The following RNF212B variants were observed in gnomAD, a reference collection of about 807,000 sequenced individuals.
The protein encoded by RNF212B is E3 ubiquitin-protein ligase RNF212B.
Under a neutral mutation model 55.5 loss-of-function variants are expected in RNF212B, and 52 were observed. The observed-to-expected ratio is 0.94, with a 90% CI of 0.75 to 1.18. The LOEUF (loss-of-function observed/expected upper bound fraction) is 1.18, where lower values mean the gene tolerates loss of function less well. Among genes scored for constraint, RNF212B ranks in the 50% most tolerant of loss-of-function variants. The pLI is 0.00. For synonymous variants in RNF212B, 99 were observed against 121.4 expected, an observed-to-expected ratio of 0.82 and a Z score of 1.21; for missense variants, 289 against 350.4, an observed-to-expected ratio of 0.82 and a Z score of 1.40.
chr14:23,197,413 G>T (rs1358899815), intron 2 of RNF212B, among the ~76,000 whole-genome samples: 1 of 152,160 alleles, frequency 6.6e-6, no homozygotes. Context: ...TGTAGTCCCA[G>T]CTACTTGGGA....
intron 2 of RNF212B, among the ~76,000 whole-genome samples, chr14:23,224,215 T>G (rs1346239628): frequency 6.6e-6 from 1 of 151,136 alleles, no homozygotes; most frequent in Non-Finnish European, 1.5e-5. Context: ...CCGATGACAT[T>G]CTCCACAAAT....
chr14:23,251,246 C>G (rs72684368), intron 4 of RNF212B, among the ~76,000 whole-genome samples: 25,125 of 124,268 alleles, frequency 0.2, 2,431 homozygotes, highest in South Asian at 0.26. Context: ...ACTAGGTATG[C>G]AACAATTCAA....
upstream of RNF212B, among the ~76,000 whole-genome samples, chr14:23,237,830 T>C (rs1883225702): frequency 6.6e-6 from 1 of 152,156 alleles, no homozygotes; most frequent in South Asian, 2.1e-4. Context: ...TGACAGCCTC[T>C]GCGGGCCCCG....
intron 2 of RNF212B, among the ~76,000 whole-genome samples, chr14:23,204,174 G>A (rs759628081): frequency 1.3e-4 from 20 of 152,200 alleles, no homozygotes; most frequent in Non-Finnish European, 2.5e-4. Context: ...TCTGTGGGTT[G>A]TCTGTTTACT....
chr14:23,251,037 T>TG (rs973254342), intron 4 of RNF212B, among the ~76,000 whole-genome samples: 2 of 152,300 alleles, frequency 1.3e-5, no homozygotes, highest in African/African-American at 2.4e-5. Flanking sequence ...CTTAGTGATT[T>TG]GGGGGGTCCA....
chr14:23,247,147 A>AG (rs1354811447), intron 4 of RNF212B, among the ~76,000 whole-genome samples: 1 of 151,892 alleles, frequency 6.6e-6, no homozygotes, highest in Non-Finnish European at 1.5e-5. Context: ...TCTCAAAAAA[A>AG]AAAAAAATTG....
intron 6 of RNF212B, among the ~76,000 whole-genome samples, 196 bp from the exon 7 acceptor site, chr14:23,260,463 T>G (rs548477049): frequency 3.9e-5 from 6 of 152,208 alleles, no homozygotes; most frequent in Middle Eastern, 3.2e-3. Flanking sequence ...TGCACTCTTA[T>G]GAAGAACTAA....
At position 23,191,800 on chromosome 14, in the gene RNF212B, A is replaced by G. The variant is rs143406746; in HGVS notation, c.-78-1525A>G. On this transcript the variant is annotated intron_variant, in intron 1 of 15. Transcript: ENST00000399910. The stretch of plus-strand genomic sequence containing the variant: ...TTTGCTTGTTTCTTCACCATTATTT[A>G]CCTAAGGCCTAGAGCAGTTCTTGGC... Among the ~76,000 whole-genome samples the G allele has an allele frequency of 7.3e-3, 1,107 of 152,298 alleles. 11 individuals carry two copies. The highest frequency in any genetic ancestry group is 0.024 in the African/African-American group (1,017 of 41,554).
intron 2 of RNF212B, among the ~76,000 whole-genome samples, chr14:23,214,588 C>A (rs937747880): frequency 1.3e-5 from 2 of 150,294 alleles, no homozygotes; most frequent in African/African-American, 4.9e-5. Context: ...AATAATATAA[C>A]CAAAAAAATG....
At chr14:23,266,418 T>G (rs1451919159) in intron 11 of RNF212B, among the ~76,000 whole-genome samples, 2 of 143,460 alleles carry the variant, frequency 1.4e-5, no homozygotes, top group African/African-American at 5.4e-5. Flanking sequence ...TTTTTTTTTT[T>G]TTTTTTTTTT....
At position 23,272,707 on chromosome 14, in the gene RNF212B, G is replaced by A. The variant is rs915440603; in HGVS notation, c.835-116G>A. 4 of 713,588 alleles carry A rather than the reference G, an allele frequency of 5.6e-6. No individual in the cohort carries two copies. In the South Asian group the frequency reaches 6.1e-5, roughly 11 times the overall value. 44.2% of individuals were successfully genotyped at this position (713,588 alleles called of 1,614,324 possible). A position where few individuals can be genotyped will look rare whatever the true frequency, so the allele number is the denominator to read the frequency against. On this transcript the variant is annotated intron_variant, in intron 14 of 14. Coordinates refer to ENST00000430154, the MANE Select transcript of RNF212B (RefSeq NM_001282322.3). ...TATCATGCAATGAAGAAAACTATGGGGAAGCAAAAGCAGTGGTGTCTGTCT... is the reference window on the plus strand; with the variant it reads ...TATCATGCAATGAAGAAAACTATGGAGAAGCAAAAGCAGTGGTGTCTGTCT...
intron 13 of RNF212B, 50 bp from the exon 14 acceptor site, chr14:23,270,550 G>T: frequency 7.3e-7 from 1 of 1,376,480 alleles, no homozygotes; most frequent in South Asian, 1.2e-5. Flanking sequence ...TAACACTGCC[G>T]AGAAACTGCC....
At chr14:23,264,002 C>A (rs1885495481) in intron 9 of RNF212B, among the ~76,000 whole-genome samples, 172 bp from the exon 10 acceptor site, 1 of 152,148 alleles carries the variant, frequency 6.6e-6, no homozygotes, top group Admixed American at 6.5e-5. Context: ...GCATGAGAAT[C>A]ACTTGAACCC....
intron 2 of RNF212B, among the ~76,000 whole-genome samples, chr14:23,206,168 G>GA (rs1879813275): frequency 6.6e-6 from 1 of 152,052 alleles, no homozygotes; most frequent in Admixed American, 6.6e-5. Context: ...TCTGCCTCCT[G>GA]GGTTCAAGCC....
At chr14:23,191,001 T>C (rs570981323) in intron 1 of RNF212B, among the ~76,000 whole-genome samples, 2 of 152,302 alleles carry the variant, frequency 1.3e-5, no homozygotes, top group Admixed American at 1.3e-4. Flanking sequence ...TCTCACATCA[T>C]GCACATCCCT....
At chr14:23,258,710 T>C (rs8015556) in intron 5 of RNF212B, 46 bp downstream of exon 5, 330,305 of 848,332 alleles carry the variant, frequency 0.39, 73,650 homozygotes, top group African/African-American at 0.41. Flanking sequence ...TTTTTTTTTT[T>C]TTCTAAGAAG....
intron 10 of RNF212B, 135 bp from the exon 11 acceptor site, chr14:23,264,488 G>A (rs768651006): frequency 5.5e-6 from 4 of 723,040 alleles, no homozygotes; most frequent in Non-Finnish European, 8.8e-6. Context: ...GTAAAGTATG[G>A]ATCTTTCTTT....
At chr14:23,257,398 C>T (rs1566434519) in intron 4 of RNF212B, among the ~76,000 whole-genome samples, 1 of 152,084 alleles carries the variant, frequency 6.6e-6, no homozygotes, top group African/African-American at 2.4e-5. Context: ...AAAAAATAGA[C>T]TAGAGTAAAT....
At chr14:23,261,755 A>G (rs563392711) in intron 7 of RNF212B, among the ~76,000 whole-genome samples, 80 of 152,222 alleles carry the variant, frequency 5.3e-4, no homozygotes, top group African/African-American at 1.6e-3. Context: ...GGGTCAGGAG[A>G]TTGAGACCGT....
Sources: gnomAD v4.1 joint callset for allele counts (sites outside exome capture counted in the v4.1 genomes callset) on GRCh38, gnomAD v4.1.1 for gene constraint, MANE v1.5 for transcripts, NCBI Gene and HGNC (gene_info 2026-07-23, HGNC 2026-07-21) for gene names.